Variants in NUCB2 observed in about 807,000 individuals in gnomAD.
NUCB2 encodes the protein nucleobindin-2.
NUCB2 carries 48 observed loss-of-function variants against 57.9 expected under a neutral mutation model. That is an observed-to-expected ratio of 0.83 (90% CI 0.66 to 1.05). The LOEUF is 1.05. NUCB2 is among the 50% of genes least tolerant of loss of function. The pLI is 0.00. For synonymous variants in NUCB2, 139 were observed against 152.1 expected (o/e 0.91, Z 0.64); for missense variants, 442 against 476.2 (o/e 0.93, Z 0.67).
In NUCB2 at chr11:17,330,219, A is replaced by C; in HGVS notation, c.1095A>C (p.Ala365=). Residue 365 remains alanine (A), a synonymous_variant, in exon 12 of 14, where the codon GCA becomes GCC. Coordinates refer to ENST00000529010, the MANE Select transcript of NUCB2 (RefSeq NM_005013.4). The surrounding 1 kb of genome is among the most constrained non-coding windows in gnomAD (Gnocchi z 4.3). ...ALQENELKKK[A]DELQKQKEEL... ...AAGAAAATGAACTTAAGAAGAAGGC[A>C]GATGAGCTTCAGAAACAAAAAGAAG... 1 of 1,611,198 alleles carries C rather than the reference A, an allele frequency of 6.2e-7. No homozygotes were observed. Among genetic ancestry groups the C allele is most frequent in the East Asian group, 2.2e-5 (1 of 44,810 alleles).
Position 17,312,116 on chromosome 11 carries a change from A to G in NUCB2, c.908A>G (p.Asn303Ser), listed in dbSNP as rs2521998. The part of the protein sequence containing the change: ...ERLRMREHVM[N>S]EVDTNKDRLV... Reference sequence around the variant, plus strand: ...CTTAGAATGAGGGAACATGTAATGAATGAGGTATGTTTTAAAAGTTTAAGA... The same window carrying G: ...CTTAGAATGAGGGAACATGTAATGAGTGAGGTATGTTTTAAAAGTTTAAGA... Residue 303 changes from asparagine to serine, a missense_variant, in exon 10 of 14, where the codon AAT (asparagine) becomes AGT (serine). By Grantham distance (46) the Asn-to-Ser change is conservative. Transcript: ENST00000529010. 6 of 1,405,270 alleles carry G rather than the reference A, an allele frequency of 4.3e-6. No homozygotes were observed. In the African/African-American group the frequency reaches 5.7e-5, roughly 13 times the overall value. 87.1% of individuals were successfully genotyped at this position (1,405,270 alleles called of 1,614,324 possible).
chr11:17,342,468 C>G (rs1952354834), intron 2 of NUCB2, among the ~76,000 whole-genome samples: 1 of 151,748 alleles, frequency 6.6e-6, no homozygotes. Context: ...AAATTTCCCT[C>G]TACACACTGC....
chr11:17,306,475 T>G (rs1320945297), intron 5 of NUCB2, among the ~76,000 whole-genome samples: 3 of 152,198 alleles, frequency 2.0e-5, no homozygotes, highest in Non-Finnish European at 4.4e-5. Flanking sequence ...GCCATGCTAC[T>G]TGGGGTAGTC....
intron 2 of NUCB2, among the ~76,000 whole-genome samples, chr11:17,294,819 G>A (rs578155249): frequency 5.9e-5 from 9 of 152,192 alleles, no homozygotes; most frequent in South Asian, 2.1e-4. Context: ...AGGCCAAGGC[G>A]GGCGGATCAC....
At chr11:17,295,558 A>G (rs1945700695) in intron 3 of NUCB2, 91 bp downstream of exon 3, 1 of 951,196 alleles carries the variant, frequency 1.1e-6, no homozygotes. Context: ...GTGAAACTAT[A>G]ACTAAATGAA....
At chr11:17,281,102 C>A (rs562164120) in intron 1 of NUCB2, among the ~76,000 whole-genome samples, 15 of 151,948 alleles carry the variant, frequency 9.9e-5, no homozygotes, top group Non-Finnish European at 2.1e-4. Context: ...GTCTTGCTTG[C>A]TTTTTGTGTC....
At chr11:17,298,281 T>G (rs1946164541) in intron 4 of NUCB2, among the ~76,000 whole-genome samples, 1 of 151,960 alleles carries the variant, frequency 6.6e-6, no homozygotes, top group African/African-American at 2.4e-5. Flanking sequence ...AAAAATCATC[T>G]GAGGCCAGGC....
intron 1 of NUCB2, among the ~76,000 whole-genome samples, chr11:17,279,395 A>G (rs550473099): frequency 6.6e-6 from 1 of 152,268 alleles, no homozygotes; most frequent in South Asian, 2.1e-4. Flanking sequence ...TTCCTTCTGT[A>G]TTTATAACCT....
intron 1 of NUCB2, among the ~76,000 whole-genome samples, chr11:17,281,526 A>G (rs1394367952): frequency 6.6e-6 from 1 of 152,178 alleles, no homozygotes; most frequent in Admixed American, 6.6e-5. Flanking sequence ...TTTATTGAGC[A>G]ATTACCATTG....
chr11:17,313,120 G>A (rs1488696900), intron 10 of NUCB2, among the ~76,000 whole-genome samples: 7 of 151,834 alleles, frequency 4.6e-5, no homozygotes, highest in African/African-American at 1.7e-4. Context: ...CCAGGCTGAA[G>A]TTTGCATTTT....
At chr11:17,288,944 CACACACATATATAT>C (rs1944404726) in intron 2 of NUCB2, among the ~76,000 whole-genome samples, 1 of 71,446 alleles carries the variant, frequency 1.4e-5, no homozygotes, top group Non-Finnish European at 2.3e-5. Context: ...CACACACACA[CACACACATATATAT>C]ATATATTTTT....
chr11:17,287,146 A>G (rs1943881374), intron 2 of NUCB2, among the ~76,000 whole-genome samples: 1 of 151,960 alleles, frequency 6.6e-6, no homozygotes, highest in African/African-American at 2.4e-5. Context: ...GAGCAACATA[A>G]TGAAACCACA....
intron 11 of NUCB2, among the ~76,000 whole-genome samples, chr11:17,326,383 T>C (rs1950687289): frequency 2.2e-5 from 3 of 136,296 alleles, no homozygotes; most frequent in Admixed American, 1.8e-4. Flanking sequence ...AATGGTGCAA[T>C]CTCAGCTCAC....
intron 1 of NUCB2, chr11:17,278,559 T>C (rs1012626822): frequency 2.0e-5 from 3 of 152,194 alleles, no homozygotes; most frequent in East Asian, 1.9e-4. Context: ...TCATATCACG[T>C]ATTTTGTATA....
chr11:17,322,843 A>G (rs993802437), intron 11 of NUCB2, among the ~76,000 whole-genome samples: 14 of 152,082 alleles, frequency 9.2e-5, no homozygotes, highest in Non-Finnish European at 5.9e-5. Context: ...TGTGGCTATT[A>G]TAAATGGGAT....
intron 5 of NUCB2, among the ~76,000 whole-genome samples, chr11:17,309,259 T>G (rs1001801946): frequency 1.3e-5 from 2 of 151,982 alleles, no homozygotes; most frequent in African/African-American, 4.8e-5. Flanking sequence ...AGGTCAAGGA[T>G]GCAGTGATCC....
Position 17,330,386 on chromosome 11 carries a change from A to G in NUCB2, c.1173+89A>G, listed in dbSNP as rs918480002. ...TTTTTGTAACATATTTCATTGTACTATATAGTACACTGCTATAGCTATACT... is the reference window on the plus strand; with the variant it reads ...TTTTTGTAACATATTTCATTGTACTGTATAGTACACTGCTATAGCTATACT... On this transcript the variant is annotated intron_variant, in intron 12 of 13. Coordinates refer to ENST00000529010, the MANE Select transcript of NUCB2 (RefSeq NM_005013.4). The surrounding 1 kb of genome is among the most constrained non-coding windows in gnomAD (Gnocchi z 4.3). The G allele has an allele frequency of 3.5e-5, 31 of 892,866 alleles. No individual in the cohort carries two copies. Among genetic ancestry groups the G allele is most frequent in the South Asian group, 1.6e-4 (8 of 50,792 alleles). The allele number at this position is 892,866 out of a possible 1,614,324, so 55.3% of individuals were successfully genotyped here.
intron 4 of NUCB2, among the ~76,000 whole-genome samples, chr11:17,301,317 C>T (rs182103082): frequency 3.6e-3 from 349 of 96,802 alleles, no homozygotes; most frequent in African/African-American, 0.014. Flanking sequence ...TCGCTCTTGT[C>T]GTCCAGGCTG....
At chr11:17,287,541 C>T (rs1021147736) in intron 2 of NUCB2, among the ~76,000 whole-genome samples, 3 of 151,642 alleles carry the variant, frequency 2.0e-5, no homozygotes, top group Non-Finnish European at 2.9e-5. Context: ...GGCATGGTGG[C>T]GCACACTTGT....
Sources: allele counts gnomAD v4.1 joint callset (sites outside exome capture counted in the v4.1 genomes callset), GRCh38; gene constraint gnomAD v4.1.1; non-coding constraint Gnocchi (gnomAD v3.1); transcripts MANE v1.5; gene names NCBI Gene and HGNC (gene_info 2026-07-23, HGNC 2026-07-21).